STK10: variants seen among roughly 807,000 people sequenced by gnomAD.
The protein encoded by STK10 is serine/threonine-protein kinase 10.
STK10 carries 78 observed loss-of-function variants against 113.8 expected under a neutral mutation model. The ratio of observed to expected loss-of-function variants is 0.69; its 90% CI spans 0.57 to 0.83. The LOEUF (loss-of-function observed/expected upper bound fraction) is 0.83. Among genes scored for constraint, STK10 ranks in the 40% least tolerant of loss-of-function variants. The pLI, the probability that STK10 is intolerant of heterozygous loss-of-function variation, is 0.00. For missense variants in STK10, 1,109 were observed against 1,280.1 expected (o/e 0.87, Z 2.04); for synonymous variants, 465 against 494.7 (o/e 0.94, Z 0.80).
At chr5:172,075,658 C>T (rs548191088) in intron 12 of STK10, among the ~76,000 whole-genome samples, 26 of 151,908 alleles carry the variant, frequency 1.7e-4, no homozygotes, top group African/African-American at 4.8e-4. Flanking sequence ...CCAGCCTGGG[C>T]GACAAGAGCG....
chr5:172,103,706 C>T (rs765540370), intron 7 of STK10, among the ~76,000 whole-genome samples: 17 of 152,156 alleles, frequency 1.1e-4, no homozygotes, highest in East Asian at 5.8e-4. Flanking sequence ...TGTGACCCCC[C>T]ACCCCCGGCA....
chr5:172,080,794 G>A (rs745752812), intron 12 of STK10, among the ~76,000 whole-genome samples: 4 of 152,254 alleles, frequency 2.6e-5, no homozygotes, highest in Non-Finnish European at 5.9e-5. Flanking sequence ...AAGTGCTGAC[G>A]GAGAAGCTGC....
intron 18 of STK10, among the ~76,000 whole-genome samples, chr5:172,048,414 TACAC>T (rs370301917): frequency 0.015 from 1,924 of 128,448 alleles, 39 homozygotes; most frequent in African/African-American, 0.04. Context: ...TCCCTCTCCC[TACAC>T]ACACACACAC....
At chr5:172,101,253 C>T (rs1768982964) in intron 7 of STK10, among the ~76,000 whole-genome samples, 1 of 151,832 alleles carries the variant, frequency 6.6e-6, no homozygotes, top group East Asian at 1.9e-4. Context: ...AGCAGATCTC[C>T]CCAGGTCAGG....
intron 14 of STK10, among the ~76,000 whole-genome samples, chr5:172,058,100 C>G (rs959373176): frequency 2.0e-5 from 3 of 152,120 alleles, no homozygotes; most frequent in Non-Finnish European, 2.9e-5. Context: ...TGCACAGCAC[C>G]CGGGTGGGGA....
At chr5:172,117,157 T>C (rs996734687) in intron 4 of STK10, among the ~76,000 whole-genome samples, 8 of 151,810 alleles carry the variant, frequency 5.3e-5, no homozygotes, top group African/African-American at 1.5e-4. Flanking sequence ...CAGGTGCCTG[T>C]GATCCCAGCT....
At chr5:172,185,099 G>A (rs1348952047) in intron 1 of STK10, among the ~76,000 whole-genome samples, 2 of 152,082 alleles carry the variant, frequency 1.3e-5, no homozygotes, top group Admixed American at 1.3e-4. Flanking sequence ...TAAAGCAGGA[G>A]GAAACACAAC....
intron 2 of STK10, among the ~76,000 whole-genome samples, chr5:172,150,934 A>G (rs543680108): frequency 8.5e-5 from 13 of 152,266 alleles, no homozygotes; most frequent in Admixed American, 6.5e-4. Flanking sequence ...GGCCACCCCA[A>G]AGGGACTTTG....
chr5:172,112,609 C>T (rs1291897358), intron 4 of STK10, among the ~76,000 whole-genome samples: 5 of 144,614 alleles, frequency 3.5e-5, no homozygotes, highest in Non-Finnish European at 7.6e-5. Context: ...TTAGTAGAGA[C>T]GGGGTTTCAC....
At chr5:172,103,238 G>T (rs1769032284) in intron 7 of STK10, among the ~76,000 whole-genome samples, 1 of 152,232 alleles carries the variant, frequency 6.6e-6, no homozygotes, top group Non-Finnish European at 1.5e-5. Flanking sequence ...CCTCCCGAGG[G>T]GGTAATGCCA....
chr5:172,057,432 G>A lies in STK10; in HGVS notation c.2254C>T (p.Gln752Ter), dbSNP rs1311221703. Reference protein sequence around the residue: ...ALWEMEEHQLQERHQLVKQQL... With the variant: ...ALWEMEEHQL ...TGCTTCACCAGCTGGTGCCTCTCCT[G>A]CAGCTGGTGCTCTTCCATCTCCCAC... Residue 752 changes from glutamine (Q) to a stop codon, truncating the protein, a stop_gained, in exon 15 of 19, where the codon CAG (glutamine) becomes TAG (stop). Transcript: ENST00000176763. LOFTEE classifies it high-confidence loss of function. The A allele has an allele frequency of 4.5e-6, 7 of 1,551,186 alleles. No homozygotes were observed. The highest frequency in any genetic ancestry group is 6.1e-6 in the Non-Finnish European group (7 of 1,147,590).
At chr5:172,144,956 G>A (rs991642043) in intron 2 of STK10, among the ~76,000 whole-genome samples, 1 of 152,090 alleles carries the variant, frequency 6.6e-6, no homozygotes, top group South Asian at 2.1e-4. Flanking sequence ...CTCAATTTCA[G>A]GGGACCTAAC....
At chr5:172,161,461 A>G (rs374498955) in intron 1 of STK10, among the ~76,000 whole-genome samples, 1 of 152,120 alleles carries the variant, frequency 6.6e-6, no homozygotes, top group Admixed American at 6.5e-5. Context: ...TCAAAAAAAA[A>G]AAATAAAAAA....
chr5:172,067,436 A>C (rs1052270967), intron 12 of STK10, among the ~76,000 whole-genome samples: 3 of 151,782 alleles, frequency 2.0e-5, no homozygotes, highest in Non-Finnish European at 4.4e-5. Context: ...GGAAACAATA[A>C]AAAATTACTC....
At chr5:172,077,170 C>CTA (rs1489608124) in intron 12 of STK10, among the ~76,000 whole-genome samples, 8 of 152,200 alleles carry the variant, frequency 5.3e-5, no homozygotes, top group African/African-American at 1.9e-4. Context: ...AGTCCAGCTA[C>CTA]GTGTCTTCAG....
chr5:172,096,459 C>G lies in STK10; in HGVS notation c.972G>C (p.Glu324Asp). Residue 324 changes from glutamate to aspartate, a missense_variant, in exon 8 of 19, where the codon GAG becomes GAC. Coordinates refer to ENST00000176763, the MANE Select transcript of STK10 (RefSeq NM_005990.4). ...CATCCACGGCGTCCTCCTCTTCCCC[C>G]TCATCCCGGCCGTCTTCGATCTCTT... ...VMEEIEDGRD[E>D]GEEEDAVDAA... 1 of 1,613,440 alleles carries G rather than the reference C, an allele frequency of 6.2e-7. No individual in the cohort carries two copies. Among genetic ancestry groups the G allele is most frequent in the Non-Finnish European group, 8.5e-7 (1 of 1,180,012 alleles).
chr5:172,063,243 C>G (rs565748511), intron 13 of STK10, among the ~76,000 whole-genome samples: 1 of 151,268 alleles, frequency 6.6e-6, no homozygotes, highest in Admixed American at 6.6e-5. Flanking sequence ...GAGTGAGACT[C>G]CATCTCAAAA....
intron 3 of STK10, 136 bp from the exon 4 acceptor site, chr5:172,117,766 G>A: frequency 3.2e-6 from 4 of 1,249,972 alleles, no homozygotes; most frequent in Admixed American, 2.6e-5. Flanking sequence ...TGTAATCCCA[G>A]CACTTTGAGA....
At chr5:172,173,157 C>T (rs1205612932) in intron 1 of STK10, among the ~76,000 whole-genome samples, 4 of 152,134 alleles carry the variant, frequency 2.6e-5, no homozygotes, top group African/African-American at 4.8e-5. Context: ...CTCCCCAGCT[C>T]AAAGATGGGT....
Sources: allele counts gnomAD v4.1 joint callset (sites outside exome capture counted in the v4.1 genomes callset), GRCh38; gene constraint gnomAD v4.1.1; transcripts MANE v1.5; gene names NCBI Gene and HGNC (gene_info 2026-07-23, HGNC 2026-07-21).